The following TRAPPC10 variants were observed in gnomAD, a reference collection of about 807,000 sequenced individuals.
The protein encoded by TRAPPC10 is TRAPP 130 kDa subunit.
A neutral mutation model predicts 125.5 loss-of-function variants in TRAPPC10; 23 were observed. The observed-to-expected ratio is 0.18, with a 90% CI of 0.13 to 0.26. TRAPPC10 has a LOEUF of 0.26. Among genes scored for constraint, TRAPPC10 ranks in the 10% least tolerant of loss-of-function variants. The pLI is 1.00. For synonymous variants in TRAPPC10, 509 were observed against 518.0 expected (o/e 0.98, Z 0.24); for missense variants, 1,123 against 1,308.4 (o/e 0.86, Z 2.19).
At chr21:44,057,296 T>A (rs955710146) in intron 5 of TRAPPC10, among the ~76,000 whole-genome samples, 1 of 151,800 alleles carries the variant, frequency 6.6e-6, no homozygotes, top group Non-Finnish European at 1.5e-5. Flanking sequence ...GTCTTCTCTC[T>A]CTCTCTCTCT....
chr21:44,079,779 T>C, intron 12 of TRAPPC10, 75 bp downstream of exon 12: 1 of 1,473,996 alleles, frequency 6.8e-7, no homozygotes, highest in South Asian at 1.2e-5. Context: ...AATCAATGTT[T>C]CATTCACACC....
rs549161584 is a variant in TRAPPC10, at chr21:44,091,373, T to A, written c.2871-550T>A. Among the ~76,000 whole-genome samples the A allele has an allele frequency of 6.0e-3, 919 of 152,298 alleles. 6 individuals carry two copies. The highest frequency in any genetic ancestry group is 0.011 in the Non-Finnish European group (731 of 68,024). On this transcript the variant is annotated intron_variant, in intron 18 of 22. Transcript: ENST00000291574. ...AGCCATGATCACTTAATAAGGCTGG[T>A]CAGAAACTATATTCTTTCTTCCATT...
intron 3 of TRAPPC10, 26 bp downstream of exon 3, chr21:44,037,953 G>T (rs370285329): frequency 1.2e-6 from 2 of 1,609,758 alleles, no homozygotes; most frequent in Non-Finnish European, 1.7e-6. Context: ...GGAAGAGGAT[G>T]CGCGGTGGGA....
chr21:44,017,605 A>G (rs1402486049), intron 1 of TRAPPC10, among the ~76,000 whole-genome samples: 1 of 152,196 alleles, frequency 6.6e-6, no homozygotes, highest in South Asian at 2.1e-4. Flanking sequence ...AAAAATATAT[A>G]TAAGTTGGAA....
At chr21:44,032,811 T>G (rs2033694672) in intron 2 of TRAPPC10, among the ~76,000 whole-genome samples, 1 of 152,156 alleles carries the variant, frequency 6.6e-6, no homozygotes, top group African/African-American at 2.4e-5. Context: ...GGCACAGGCG[T>G]TTTGCAAAGG....
intron 7 of TRAPPC10, among the ~76,000 whole-genome samples, chr21:44,064,875 C>A (rs1601721136): frequency 6.6e-6 from 1 of 152,176 alleles, no homozygotes; most frequent in Non-Finnish European, 1.5e-5. Context: ...GATTTTTCTT[C>A]ACCTAATGAA....
chr21:44,058,155 CAG>C (rs1174916454), intron 5 of TRAPPC10, among the ~76,000 whole-genome samples: 1 of 152,126 alleles, frequency 6.6e-6, no homozygotes, highest in Admixed American at 6.5e-5. Flanking sequence ...AGGCACAAGG[CAG>C]AGATGGTGTG....
intron 2 of TRAPPC10, among the ~76,000 whole-genome samples, chr21:44,034,874 C>T (rs920408231): frequency 6.6e-6 from 1 of 152,038 alleles, no homozygotes; most frequent in Non-Finnish European, 1.5e-5. Context: ...AGGATGCCAG[C>T]AGCCAGCAGA....
chr21:44,087,049 C>A lies in TRAPPC10; in HGVS notation c.2539+89C>A. ...AGGGTGAGCCTGGCCTTGCTGCCAT[C>A]CTGCTGAGCGCCCCTCAACAGTGTC... is the stretch of plus-strand genomic sequence containing the variant. On this transcript the variant is annotated intron_variant, in intron 16 of 22. Coordinates refer to ENST00000291574, the MANE Select transcript of TRAPPC10 (RefSeq NM_003274.5). The surrounding 1 kb of genome is among the most constrained non-coding windows in gnomAD (Gnocchi z 4.6). 6.8e-7 allele frequency: 1 copy of A among 1,477,714 alleles called. No individual in the cohort carries two copies. Among genetic ancestry groups the A allele is most frequent in the Non-Finnish European group, 9.2e-7 (1 of 1,083,306 alleles). 91.5% of individuals were successfully genotyped at this position (1,477,714 alleles called of 1,614,324 possible). A position where few individuals can be genotyped will look rare whatever the true frequency, so the allele number is the denominator to read the frequency against.
chr21:44,087,085 G>A lies in TRAPPC10; in HGVS notation c.2539+125G>A, dbSNP rs1160859732. 41 of 1,116,536 alleles carry A rather than the reference G, an allele frequency of 3.7e-5. No individual in the cohort carries two copies. Among genetic ancestry groups the A allele is most frequent in the Non-Finnish European group, 5.2e-5 (41 of 790,452 alleles). 69.2% of individuals were successfully genotyped at this position (1,116,536 alleles called of 1,614,324 possible). On this transcript the variant is annotated intron_variant, in intron 16 of 22. Transcript: ENST00000291574. The surrounding 1 kb of genome is among the most constrained non-coding windows in gnomAD (Gnocchi z 4.6). ...CCCCTCAACAGTGTCTGGAGTCCGT[G>A]TTCCATAGGAGCCCTGCGGCCTGAT... is the stretch of plus-strand genomic sequence containing the variant.
intron 7 of TRAPPC10, among the ~76,000 whole-genome samples, chr21:44,071,209 G>A (rs946506997): frequency 1.3e-5 from 2 of 152,202 alleles, no homozygotes; most frequent in Non-Finnish European, 2.9e-5. Flanking sequence ...GTCAGGAGCC[G>A]GGTGCCTCTT....
chr21:44,045,269 T>G (rs2034704744), intron 3 of TRAPPC10, among the ~76,000 whole-genome samples: 1 of 152,114 alleles, frequency 6.6e-6, no homozygotes, highest in African/African-American at 2.4e-5. Flanking sequence ...GATCCAGGTT[T>G]TCATCTGGTC....
chr21:44,012,360 G>A lies in TRAPPC10; in HGVS notation c.-134G>A, dbSNP rs1010509575. 3.4e-5 allele frequency: 11 copies of A among 325,980 alleles called. No homozygotes were observed. In the East Asian group the frequency reaches 5.0e-4, roughly 15 times the overall value. The allele number at this position is 325,980 out of a possible 1,614,324, so 20.2% of individuals were successfully genotyped here. ...CCGGCAGCAGCGGGCGGCAGCTGCG[G>A]CGCAACCGGCTCCGGAGCTGCCTGG... is the stretch of plus-strand genomic sequence containing the variant. On this transcript the variant is annotated 5_prime_UTR_variant, in exon 1 of 23. Transcript: ENST00000291574.
intron 1 of TRAPPC10, among the ~76,000 whole-genome samples, chr21:44,014,774 C>T (rs2031628390): frequency 6.6e-6 from 1 of 152,016 alleles, no homozygotes; most frequent in Non-Finnish European, 1.5e-5. Flanking sequence ...GGTACACTGT[C>T]CTAGAAGGTG....
intron 3 of TRAPPC10, among the ~76,000 whole-genome samples, 154 bp from the exon 4 acceptor site, chr21:44,052,126 C>T (rs2035272756): frequency 6.6e-6 from 1 of 152,220 alleles, no homozygotes; most frequent in South Asian, 2.1e-4. Flanking sequence ...CGCAGGCTTG[C>T]TAGGCCGCTG....
chr21:44,052,604 G>T, intron 4 of TRAPPC10, 128 bp downstream of exon 4: 1 of 850,394 alleles, frequency 1.2e-6, no homozygotes. Flanking sequence ...CTGTCAAGGA[G>T]ACCTGGTGCC....
intron 1 of TRAPPC10, among the ~76,000 whole-genome samples, chr21:44,025,825 T>G (rs1391674997): frequency 5.2e-4 from 1 of 1,916 alleles, no homozygotes; most frequent in East Asian, 0.029. Flanking sequence ...GGCAGGGGTG[T>G]GTGTGTGTGT....
chr21:44,063,266 G>T lies in TRAPPC10; in HGVS notation c.791-272G>T. ...GCTCCCCTAACCATGTAGCCTGTCTGTCTCTGGGTGACTTCCCAACCTGTT... is the reference window on the plus strand; with the variant it reads ...GCTCCCCTAACCATGTAGCCTGTCTTTCTCTGGGTGACTTCCCAACCTGTT... On this transcript the variant is annotated intron_variant, in intron 6 of 22. Transcript: ENST00000291574. This position sits in a 1 kb window ranked among gnomAD's most constrained non-coding sequence, Gnocchi z 4.4. 1 of 1,249,176 alleles carries T rather than the reference G, an allele frequency of 8.0e-7. No homozygotes were observed. Among genetic ancestry groups the T allele is most frequent in the Middle Eastern group, 3.2e-4 (1 of 3,128 alleles). 77.4% of individuals were successfully genotyped at this position (1,249,176 alleles called of 1,614,324 possible). A position where few individuals can be genotyped will look rare whatever the true frequency, so the allele number is the denominator to read the frequency against.
At chr21:44,058,884 G>C (rs2035817006) in intron 5 of TRAPPC10, among the ~76,000 whole-genome samples, 1 of 151,954 alleles carries the variant, frequency 6.6e-6, no homozygotes, top group South Asian at 2.1e-4. Flanking sequence ...GCTGCCGATA[G>C]GTCGGGGAGG....
Sources: gnomAD v4.1 joint callset for allele counts (sites outside exome capture counted in the v4.1 genomes callset) on GRCh38, gnomAD v4.1.1 for gene constraint, Gnocchi (gnomAD v3.1) non-coding constraint, MANE v1.5 for transcripts, NCBI Gene and HGNC (gene_info 2026-07-23, HGNC 2026-07-21) for gene names.